LINGO2: variants seen among roughly 807,000 people sequenced by gnomAD.
LINGO2 encodes the protein leucine-rich repeat and immunoglobulin-like domain-containing nogo receptor-interacting protein 2.
In LINGO2, 14 loss-of-function variants were observed where a neutral mutation model predicts 30.6. The ratio of observed to expected loss-of-function variants is 0.46; its 90% confidence interval spans 0.30 to 0.72. LINGO2 has a LOEUF of 0.72. Ranked by LOEUF, LINGO2 falls within the 30% of genes least tolerant of loss-of-function variation. The probability of loss-of-function intolerance (pLI) is 0.07; values close to 1 mark genes in which losing one functional copy is unlikely to be tolerated. For synonymous variants in LINGO2, 317 were observed against 288.5 expected (o/e 1.10, Z -1.00); for missense variants, 729 against 751.7 (o/e 0.97, Z 0.35).
intron 4 of LINGO2, among the ~76,000 whole-genome samples, chr9:28,155,609 T>A (rs545375093): frequency 6.6e-6 from 1 of 152,324 alleles, no homozygotes; most frequent in African/African-American, 2.4e-5. Context: ...TTAAGTCATA[T>A]CTAACTGTTT....
At chr9:28,370,185 C>A (rs1820839102) in intron 3 of LINGO2, among the ~76,000 whole-genome samples, 1 of 152,102 alleles carries the variant, frequency 6.6e-6, no homozygotes, top group Non-Finnish European at 1.5e-5. Flanking sequence ...GCCTCTGGAT[C>A]CTCTCTATCT....
At chr9:28,004,120 C>G (rs1007546974) in intron 5 of LINGO2, among the ~76,000 whole-genome samples, 1 of 152,112 alleles carries the variant, frequency 6.6e-6, no homozygotes, top group Non-Finnish European at 1.5e-5. Flanking sequence ...CTTGGAACAT[C>G]TTGAATTGGC....
intron 4 of LINGO2, among the ~76,000 whole-genome samples, chr9:28,138,424 G>A (rs1044171239): frequency 1.3e-5 from 2 of 152,130 alleles, no homozygotes; most frequent in African/African-American, 4.8e-5. Context: ...GACAAAGCTG[G>A]GAATTAAAAG....
chr9:29,086,925 C>G, the LINGO2 span, among the ~76,000 whole-genome samples: 8 of 147,062 alleles, frequency 5.4e-5, no homozygotes, highest in South Asian at 1.5e-3. Flanking sequence ...CAGAGTTTCA[C>G]TCTGTCACCG....
In LINGO2 at chr9:28,616,832, T is replaced by A. The variant is rs538641571; in HGVS notation, c.-365+53368A>T. On this transcript the variant is annotated intron_variant, in intron 1 of 5. Transcript: ENST00000379992. ...ATGTAGTGTGATGCTTGGAGTTTTG[T>A]TAACTGTATGGGTTCTGAACTTCTG... Among the ~76,000 whole-genome samples the A allele has an allele frequency of 1.6e-4, 25 of 152,328 alleles. No homozygotes were observed. In the South Asian group the frequency reaches 5.0e-3, roughly 30 times the overall value.
At chr9:28,283,343 A>G (rs1449344585) in intron 4 of LINGO2, among the ~76,000 whole-genome samples, 1 of 152,140 alleles carries the variant, frequency 6.6e-6, no homozygotes, top group Non-Finnish European at 1.5e-5. Context: ...ATCAGCAAAC[A>G]CTTGTTTAGA....
intron 4 of LINGO2, among the ~76,000 whole-genome samples, chr9:28,141,506 G>A (rs1025731313): frequency 6.6e-6 from 1 of 152,164 alleles, no homozygotes; most frequent in African/African-American, 2.4e-5. Context: ...TAATTTAAGG[G>A]ATTCAAGAAT....
In LINGO2 at chr9:28,136,577, A is replaced by C. The variant is rs551518946; in HGVS notation, c.-86-124172T>G. Among the ~76,000 whole-genome samples, 37 of 152,276 alleles carry C rather than the reference A, an allele frequency of 2.4e-4. No homozygotes were observed. The East Asian group carries it at 6.6e-3, about 27-fold the overall frequency. ...CTTTTTCTCTTTTTTTGTGGTGATT[A>C]ACATAAACATGACCTGGCTAGGGTA... is the stretch of plus-strand genomic sequence containing the variant. On this transcript the variant is annotated intron_variant, in intron 4 of 5. Coordinates refer to ENST00000379992, the Ensembl canonical transcript of LINGO2.
At chr9:28,919,747 T>C in the LINGO2 span, among the ~76,000 whole-genome samples, 2 of 28,670 alleles carry the variant, frequency 7.0e-5, no homozygotes, top group East Asian at 1.8e-3. Flanking sequence ...ATAAAACTGG[T>C]ATAAACATTA....
At chr9:28,708,659 T>C in the LINGO2 span, among the ~76,000 whole-genome samples, 4 of 152,058 alleles carry the variant, frequency 2.6e-5, no homozygotes, top group African/African-American at 9.7e-5. Flanking sequence ...CAACCACCTA[T>C]GTACACGGTG....
rs558767258 is a variant in LINGO2 at position 28,148,146 on chromosome 9, C to T, written c.-86-135741G>A. 1.4e-5 allele frequency: 13 copies of T among 944,686 alleles called. No individual in the cohort carries two copies. The African/African-American group carries it at 1.5e-4, about 11-fold the overall frequency. The allele number at this position is 944,686 out of a possible 1,614,324, so 58.5% of individuals were successfully genotyped here. A position where few individuals can be genotyped will look rare whatever the true frequency, so the allele number is the denominator to read the frequency against. Reference sequence around the variant, plus strand: ...GCCCGGGGAATCGTGGGCCGTTTCCCACTCCTCTTCAACCCTCAGCGACAT... The same window carrying T: ...GCCCGGGGAATCGTGGGCCGTTTCCTACTCCTCTTCAACCCTCAGCGACAT... On this transcript the variant is annotated intron_variant, in intron 4 of 5. Coordinates refer to ENST00000379992, the Ensembl canonical transcript of LINGO2. The surrounding 1 kb of genome is among the most constrained non-coding windows in gnomAD (Gnocchi z 5.1).
At chr9:28,656,972 T>G (rs951201543) in intron 1 of LINGO2, among the ~76,000 whole-genome samples, 2 of 152,066 alleles carry the variant, frequency 1.3e-5, no homozygotes, top group Non-Finnish European at 2.9e-5. Context: ...AACTGAGTTC[T>G]CCAAACAGCA....
chr9:28,053,043 A>G (rs1254155572), intron 4 of LINGO2, among the ~76,000 whole-genome samples: 3 of 152,118 alleles, frequency 2.0e-5, no homozygotes, highest in Non-Finnish European at 2.9e-5. Flanking sequence ...TCAAGTTTAT[A>G]ATCCAGAGAG....
chr9:28,636,055 A>G (rs959369162), intron 1 of LINGO2, among the ~76,000 whole-genome samples: 1 of 151,924 alleles, frequency 6.6e-6, no homozygotes, highest in South Asian at 2.1e-4. Flanking sequence ...CTTCCCACCT[A>G]TGAGTGAGAA....
chr9:28,670,075 A>C (rs1828954223), intron 1 of LINGO2, 125 bp downstream of exon 3: 1 of 152,072 alleles, frequency 6.6e-6, no homozygotes, highest in East Asian at 1.9e-4. Context: ...TATTTGATTA[A>C]ATTAATTAAA....
the LINGO2 span, among the ~76,000 whole-genome samples, chr9:28,798,701 G>T: frequency 6.6e-5 from 10 of 152,114 alleles, no homozygotes; most frequent in Non-Finnish European, 1.0e-4. Context: ...TTCCAGCCAT[G>T]TTCAGCTGCA....
intron 2 of LINGO2, among the ~76,000 whole-genome samples, chr9:28,383,804 G>C (rs1000126802): frequency 6.6e-6 from 1 of 151,816 alleles, no homozygotes; most frequent in Admixed American, 6.6e-5. Context: ...ATTAAACAGA[G>C]ATTTTAATAT....
chr9:28,619,120 G>C (rs1185769047), intron 1 of LINGO2, among the ~76,000 whole-genome samples: 4 of 152,104 alleles, frequency 2.6e-5, no homozygotes, highest in African/African-American at 9.7e-5. Flanking sequence ...CTTTTTTCCA[G>C]TGGAAATTAT....
intron 2 of LINGO2, among the ~76,000 whole-genome samples, chr9:28,431,353 AG>A (rs1422053628): frequency 6.6e-6 from 1 of 152,148 alleles, no homozygotes; most frequent in Admixed American, 6.5e-5. Context: ...TCATCTGCCT[AG>A]TGTCTGGCAC....
Sources: gnomAD v4.1 joint callset for allele counts (sites outside exome capture counted in the v4.1 genomes callset) on GRCh38, gnomAD v4.1.1 for gene constraint, Gnocchi (gnomAD v3.1) non-coding constraint, MANE v1.5 for transcripts, NCBI Gene and HGNC (gene_info 2026-07-23, HGNC 2026-07-21) for gene names.